Variants in U2AF2 observed in about 807,000 individuals in gnomAD.
The protein encoded by U2AF2 is U2 small nuclear RNA auxiliary factor 2.
U2AF2 carries 6 observed loss-of-function variants against 52.6 expected under a neutral mutation model. The observed-to-expected ratio is 0.11, with a 90% CI of 0.06 to 0.23. The LOEUF is 0.23. U2AF2 is among the 10% of genes least tolerant of loss of function. The pLI is 1.00. For missense variants in U2AF2, 222 were observed against 677.1 expected (o/e 0.33, Z 7.46); for synonymous variants, 284 against 258.2 (o/e 1.10, Z -0.96).
intron 1 of U2AF2, among the ~76,000 whole-genome samples, chr19:55,657,773 C>T (rs982372830): frequency 1.3e-5 from 2 of 152,176 alleles, no homozygotes; most frequent in East Asian, 1.9e-4. Context: ...AGTATGGCCT[C>T]GTGCTTAACT....
At chr19:55,666,996 C>A (rs576038196) in intron 7 of U2AF2, among the ~76,000 whole-genome samples, 3 of 152,320 alleles carry the variant, frequency 2.0e-5, no homozygotes, top group African/African-American at 7.2e-5. Context: ...GAAAGTCTTA[C>A]AGGATGCCTG....
At chr19:55,660,906 G>T in intron 4 of U2AF2, 132 bp from the exon 5 acceptor site, 1 of 1,419,986 alleles carries the variant, frequency 7.0e-7, no homozygotes. Context: ...TGGAAAGAGG[G>T]TTCTGGAAGG....
chr19:55,662,746 G>T, intron 6 of U2AF2, 128 bp downstream of exon 6: 1 of 765,928 alleles, frequency 1.3e-6, no homozygotes, highest in South Asian at 1.7e-5. Context: ...TCTCCACCCG[G>T]TCGCTGAAGT....
intron 11 of U2AF2, among the ~76,000 whole-genome samples, chr19:55,672,250 T>C (rs1331029227): frequency 1.3e-5 from 2 of 152,214 alleles, no homozygotes; most frequent in African/African-American, 2.4e-5. Context: ...TCATAGTATA[T>C]GTGCTAATAT....
At chr19:55,662,422 T>G in intron 5 of U2AF2, 80 bp from the exon 6 acceptor site, 2 of 427,374 alleles carry the variant, frequency 4.7e-6, no homozygotes, top group Non-Finnish European at 7.2e-6. Flanking sequence ...AACCCCTCTG[T>G]GTCTCCCTCT....
rs149231531 is a variant in U2AF2, at chr19:55,663,608, C to T, written c.606C>T (p.Phe202=). 246 of 1,614,000 alleles carry T rather than the reference C, an allele frequency of 1.5e-4. 2 individuals are homozygous for T. The African/African-American group carries it at 2.9e-3, about 19-fold the overall frequency. ...NQDKNFAFLE[F]RSVDETTQAM... The stretch of plus-strand genomic sequence containing the variant: ...CCACTCCTTTCTCTTTCATTCAGTT[C>T]CGCTCAGTGGACGAGACTACCCAGG... The change falls in exon 7 of 12, where the codon TTC becomes TTT. Residue 202 remains phenylalanine (F), a splice_region_variant and synonymous_variant. Transcript: ENST00000308924.
chr19:55,655,059 C>G lies in U2AF2; in HGVS notation c.-46C>G. ...TAGCCGAAGCGGCTGGAGCGGGCGG[C>G]AAGGCGAGGCGAAAGCTGCACAGGG... On this transcript the variant is annotated 5_prime_UTR_variant, in exon 1 of 12. Coordinates refer to ENST00000308924, the MANE Select transcript of U2AF2 (RefSeq NM_007279.3). 1 of 1,601,456 alleles carries G rather than the reference C, an allele frequency of 6.2e-7. No homozygotes were observed. The highest frequency in any genetic ancestry group is 1.4e-5 in the African/African-American group (1 of 73,552).
chr19:55,656,856 C>T (rs554535035), intron 1 of U2AF2, among the ~76,000 whole-genome samples: 46 of 152,272 alleles, frequency 3.0e-4, no homozygotes, highest in African/African-American at 9.1e-4. Flanking sequence ...AAATTCCATG[C>T]TTAGAGAGGA....
chr19:55,656,220 T>C (rs544215410), intron 1 of U2AF2, among the ~76,000 whole-genome samples: 2 of 152,352 alleles, frequency 1.3e-5, no homozygotes, highest in African/African-American at 4.8e-5. Flanking sequence ...CCAGGGAAGA[T>C]TGGAGACTTG....
At chr19:55,657,595 C>T (rs76726454) in intron 1 of U2AF2, among the ~76,000 whole-genome samples, 340 of 151,972 alleles carry the variant, frequency 2.2e-3, no homozygotes, top group African/African-American at 6.7e-3. Flanking sequence ...GGAGCTGTGC[C>T]CAGTGCCGTG....
chr19:55,672,422 A>G (rs755257302), intron 11 of U2AF2, among the ~76,000 whole-genome samples: 25 of 151,882 alleles, frequency 1.6e-4, no homozygotes, highest in South Asian at 4.2e-4. Context: ...TTATTTCTCA[A>G]TTAACATTTT....
chr19:55,667,920 G>C (rs914321167), intron 7 of U2AF2, among the ~76,000 whole-genome samples: 1 of 152,052 alleles, frequency 6.6e-6, no homozygotes, highest in Admixed American at 6.5e-5. Flanking sequence ...TGAGTAGCTG[G>C]GACTACAGGT....
intron 1 of U2AF2, among the ~76,000 whole-genome samples, chr19:55,657,409 T>C (rs747015373): frequency 3.3e-5 from 5 of 152,238 alleles, no homozygotes; most frequent in Non-Finnish European, 7.3e-5. Flanking sequence ...CGCCTTCTGC[T>C]TCAGTCCTTT....
At chr19:55,663,964 C>G (rs557652219) in intron 7 of U2AF2, 101 of 608,594 alleles carry the variant, frequency 1.7e-4, no homozygotes, top group African/African-American at 1.6e-3. Flanking sequence ...CTGCTGAGGA[C>G]ACACAGCTTG....
chr19:55,669,292 G>T, intron 10 of U2AF2, 111 bp downstream of exon 10: 1 of 1,549,692 alleles, frequency 6.5e-7, no homozygotes, highest in Non-Finnish European at 8.7e-7. Context: ...CATTTGGGGG[G>T]CATTCAGTGC....
intron 7 of U2AF2, among the ~76,000 whole-genome samples, chr19:55,664,595 C>T (rs1392032677): frequency 6.6e-6 from 1 of 152,064 alleles, no homozygotes; most frequent in African/African-American, 2.4e-5. Flanking sequence ...ACTCACTGTT[C>T]GAGGAGCCCT....
rs910821394 is a variant in U2AF2, at chr19:55,674,129, C to G, written c.*61C>G. The G allele has an allele frequency of 3.5e-4, 534 of 1,505,718 alleles. No homozygotes were observed. Among genetic ancestry groups the G allele is most frequent in the Non-Finnish European group, 4.4e-4 (498 of 1,129,420 alleles). The allele number at this position is 1,505,718 out of a possible 1,614,324, so 93.3% of individuals were successfully genotyped here. A position where few individuals can be genotyped will look rare whatever the true frequency, so the allele number is the denominator to read the frequency against. ...GGGGCTTCTCCCCACTCCCGCCCCCCCCTTATCCCCCTCTGAAGACGATGG... is the reference window on the plus strand; with the variant it reads ...GGGGCTTCTCCCCACTCCCGCCCCCGCCTTATCCCCCTCTGAAGACGATGG... On this transcript the variant is annotated 3_prime_UTR_variant, in exon 12 of 12. Coordinates refer to ENST00000308924, the MANE Select transcript of U2AF2 (RefSeq NM_007279.3).
Position 55,674,175 on chromosome 19 carries a change from G to A in U2AF2, c.*107G>A. On this transcript the variant is annotated 3_prime_UTR_variant, in exon 12 of 12. Coordinates refer to ENST00000308924, the MANE Select transcript of U2AF2 (RefSeq NM_007279.3). ...GATGGGCAGAGGAGTGACAGCCGCA[G>A]ACACACGACAGCCGGCAGCAACTGG... The A allele has an allele frequency of 3.6e-6, 3 of 825,982 alleles. No individual in the cohort carries two copies. Among genetic ancestry groups the A allele is most frequent in the Non-Finnish European group, 4.5e-6 (3 of 669,216 alleles). 51.2% of individuals were successfully genotyped at this position (825,982 alleles called of 1,614,324 possible). A position where few individuals can be genotyped will look rare whatever the true frequency, so the allele number is the denominator to read the frequency against.
At chr19:55,670,451 C>CAT (rs1984828413) in intron 11 of U2AF2, among the ~76,000 whole-genome samples, 2 of 11,262 alleles carry the variant, frequency 1.8e-4, no homozygotes, top group African/African-American at 2.7e-4. Context: ...CCTGCTGTCC[C>CAT]GTGCACCCTG....
Sources: gnomAD v4.1 joint callset for allele counts (sites outside exome capture counted in the v4.1 genomes callset) on GRCh38, gnomAD v4.1.1 for gene constraint, MANE v1.5 for transcripts, NCBI Gene and HGNC (gene_info 2026-07-23, HGNC 2026-07-21) for gene names.